GRM8: variants seen among roughly 807,000 people sequenced by gnomAD.
GRM8 encodes glutamate metabotropic receptor 8.
A neutral mutation model predicts 87.2 loss-of-function variants in GRM8; 47 were observed. The ratio of observed to expected loss-of-function variants is 0.54; its 90% CI spans 0.43 to 0.69. The LOEUF (loss-of-function observed/expected upper bound fraction) is 0.69, where lower values mean the gene tolerates loss of function less well. Ranked by LOEUF, GRM8 falls within the 30% of genes least tolerant of loss-of-function variation. The pLI, the probability that GRM8 is intolerant of heterozygous loss-of-function variation, is 0.00. For missense variants in GRM8, 1,019 were observed against 1,139.2 expected, an observed-to-expected ratio of 0.89 and a Z score of 1.52; for synonymous variants, 396 against 404.5, an observed-to-expected ratio of 0.98 and a Z score of 0.25.
chr7:127,043,088 T>C (rs1818586599), intron 3 of GRM8, among the ~76,000 whole-genome samples: 1 of 152,226 alleles, frequency 6.6e-6, no homozygotes. Context: ...CCAGTTGGAA[T>C]GGCGATCATT....
intron 3 of GRM8, among the ~76,000 whole-genome samples, chr7:126,914,902 C>T (rs1803726886): frequency 6.6e-6 from 1 of 151,772 alleles, no homozygotes; most frequent in East Asian, 1.9e-4. Flanking sequence ...TGCTCATGTA[C>T]CCCCCCAATC....
chr7:127,011,973 A>G (rs1024751801), intron 3 of GRM8, among the ~76,000 whole-genome samples: 3 of 152,150 alleles, frequency 2.0e-5, no homozygotes, highest in Admixed American at 2.0e-4. Flanking sequence ...GACATTAATC[A>G]TTTCATAACT....
intron 2 of GRM8, among the ~76,000 whole-genome samples, chr7:127,129,977 T>A (rs2133218989): frequency 6.6e-6 from 1 of 152,232 alleles, no homozygotes; most frequent in Non-Finnish European, 1.5e-5. Flanking sequence ...AGGAACCTGG[T>A]GGGAGGTGAT....
chr7:127,197,609 G>A (rs1396428870), intron 2 of GRM8, among the ~76,000 whole-genome samples: 2 of 147,140 alleles, frequency 1.4e-5, no homozygotes, highest in Admixed American at 1.3e-4. Flanking sequence ...AAAAAAAAAA[G>A]GGGGAACAGC....
intron 2 of GRM8, among the ~76,000 whole-genome samples, chr7:127,161,027 A>C (rs1412350795): frequency 6.6e-6 from 1 of 152,214 alleles, no homozygotes; most frequent in Non-Finnish European, 1.5e-5. Context: ...TGATGGGATT[A>C]GAGGTCATTC....
chr7:126,508,174 T>C (rs16871684), intron 9 of GRM8, among the ~76,000 whole-genome samples: 4,268 of 152,024 alleles, frequency 0.028, 166 homozygotes, highest in East Asian at 0.079. Context: ...TTTTTGTATA[T>C]TATTATCTCA....
At chr7:126,620,508 G>GA (rs1429663321) in intron 7 of GRM8, among the ~76,000 whole-genome samples, 11 of 151,896 alleles carry the variant, frequency 7.2e-5, no homozygotes, top group South Asian at 2.1e-4. Flanking sequence ...ATTCAATGAA[G>GA]GTTTTTTTTT....
chr7:126,900,800 G>A (rs749273061), intron 6 of GRM8, among the ~76,000 whole-genome samples: 3 of 152,066 alleles, frequency 2.0e-5, no homozygotes, highest in Admixed American at 6.5e-5. Context: ...TTGCACCACC[G>A]TGCCCGGCCC....
At chr7:126,983,366 A>C (rs558251863) in intron 3 of GRM8, among the ~76,000 whole-genome samples, 1 of 152,280 alleles carries the variant, frequency 6.6e-6, no homozygotes, top group Non-Finnish European at 1.5e-5. Context: ...AATACTTTGC[A>C]GGGCTGGGGC....
At chr7:126,747,473 A>C (rs1028711090) in intron 7 of GRM8, among the ~76,000 whole-genome samples, 1 of 152,014 alleles carries the variant, frequency 6.6e-6, no homozygotes, top group Admixed American at 6.6e-5. Context: ...AATCAAGACC[A>C]AACAATCCAT....
chr7:126,702,586 A>G (rs1001877996), intron 7 of GRM8, among the ~76,000 whole-genome samples: 1 of 152,116 alleles, frequency 6.6e-6, no homozygotes, highest in African/African-American at 2.4e-5. Context: ...CCTGAAGGTA[A>G]TGGTTCTGAC....
At chr7:126,616,408 C>A (rs1409811159) in intron 7 of GRM8, among the ~76,000 whole-genome samples, 1 of 152,012 alleles carries the variant, frequency 6.6e-6, no homozygotes, top group Non-Finnish European at 1.5e-5. Context: ...CACGAAATGC[C>A]CACAAGAGAA....
chr7:126,906,611 T>C (rs1216747524), intron 3 of GRM8, among the ~76,000 whole-genome samples: 1 of 152,210 alleles, frequency 6.6e-6, no homozygotes, highest in African/African-American at 2.4e-5. Context: ...CTTTATGCTT[T>C]AGGTAGACTT....
At chr7:126,891,046 C>T (rs1800952953) in intron 6 of GRM8, among the ~76,000 whole-genome samples, 1 of 151,984 alleles carries the variant, frequency 6.6e-6, no homozygotes, top group African/African-American at 2.4e-5. Flanking sequence ...TCCTTAAACT[C>T]AGTATCTCCC....
intron 7 of GRM8, among the ~76,000 whole-genome samples, chr7:126,735,082 A>G (rs1042693968): frequency 5.3e-5 from 8 of 152,134 alleles, no homozygotes; most frequent in African/African-American, 1.7e-4. Context: ...AACATGACAG[A>G]AAGTGCAGAG....
intron 3 of GRM8, among the ~76,000 whole-genome samples, chr7:126,981,967 CATCTAT>C (rs58806935): frequency 0.064 from 9,680 of 151,866 alleles, 890 homozygotes; most frequent in African/African-American, 0.21. Flanking sequence ...AGGATAAATA[CATCTAT>C]ATCTATATCT....
intron 7 of GRM8, among the ~76,000 whole-genome samples, chr7:126,694,270 T>G (rs929670407): frequency 7.2e-5 from 11 of 152,262 alleles, no homozygotes; most frequent in Non-Finnish European, 1.3e-4. Context: ...TTTTAATTAT[T>G]ATTGTTAGAA....
chr7:126,521,928 T>A (rs900264168), intron 9 of GRM8, among the ~76,000 whole-genome samples: 6 of 152,334 alleles, frequency 3.9e-5, no homozygotes, highest in Admixed American at 3.9e-4. Context: ...CAGATACTCA[T>A]GCTGTGTATC....
intron 9 of GRM8, among the ~76,000 whole-genome samples, chr7:126,489,353 A>G (rs1248891376): frequency 1.3e-5 from 2 of 152,118 alleles, no homozygotes; most frequent in African/African-American, 4.8e-5. Context: ...CAGCATGACA[A>G]TTAAAAGAAC....
Sources: gnomAD v4.1 joint callset for allele counts (sites outside exome capture counted in the v4.1 genomes callset) on GRCh38, gnomAD v4.1.1 for gene constraint, MANE v1.5 for transcripts, NCBI Gene and HGNC (gene_info 2026-07-23, HGNC 2026-07-21) for gene names.